The following TOGARAM2 variants were observed in gnomAD, a reference collection of about 807,000 sequenced individuals.
TOGARAM2 encodes the protein TOG array regulator of axonemal microtubules 2, also known as TOG array regulator of axonemal microtubules protein 2.
In TOGARAM2, 85 loss-of-function variants were observed where a neutral mutation model predicts 93.3. That is an observed-to-expected ratio of 0.91 (90% CI 0.76 to 1.09). TOGARAM2 has a LOEUF of 1.09. Ranked by LOEUF, TOGARAM2 falls within the 50% of genes least tolerant of loss-of-function variation. The pLI is 0.00. For synonymous variants in TOGARAM2, 593 were observed against 552.8 expected (o/e 1.07, Z -1.02); for missense variants, 1,277 against 1,334.5 (o/e 0.96, Z 0.67).
chr2:28,967,943 C>T (rs545457710), intron 1 of TOGARAM2, among the ~76,000 whole-genome samples: 75 of 151,914 alleles, frequency 4.9e-4, no homozygotes, highest in Middle Eastern at 3.4e-3. Flanking sequence ...CTCAGCCTCC[C>T]GGGTAGCTGG....
chr2:29,041,003 A>G (rs1666400683), intron 18 of TOGARAM2, among the ~76,000 whole-genome samples: 1 of 150,930 alleles, frequency 6.6e-6, no homozygotes, highest in Admixed American at 6.6e-5. Flanking sequence ...AAGCATTTGC[A>G]GATGATTATA....
chr2:28,987,763 C>A (rs867322444), intron 1 of TOGARAM2, among the ~76,000 whole-genome samples: 1 of 152,348 alleles, frequency 6.6e-6, no homozygotes, highest in East Asian at 1.9e-4. Context: ...CCTGATCTCA[C>A]GATGGGAGAG....
At chr2:29,006,689 C>T (rs1357239731) in intron 6 of TOGARAM2, among the ~76,000 whole-genome samples, 3 of 152,102 alleles carry the variant, frequency 2.0e-5, no homozygotes, top group African/African-American at 7.2e-5. Flanking sequence ...TGTCTTTCTC[C>T]GACCCTGTGG....
At chr2:28,980,635 G>A (rs1209866836), upstream of TOGARAM2, among the ~76,000 whole-genome samples, 4 of 152,186 alleles carry the variant, frequency 2.6e-5, no homozygotes, top group African/African-American at 9.7e-5. Context: ...AAGAGCCTGG[G>A]TTCAGTGAGA....
intron 4 of TOGARAM2, 87 bp downstream of exon 4, chr2:28,999,555 TCCAGG>T: frequency 1.2e-5 from 17 of 1,428,352 alleles, no homozygotes; most frequent in Non-Finnish European, 1.6e-5. Flanking sequence ...TCAGCAGGCT[TCCAGG>T]TGGCATGCTG....
At chr2:28,967,290 CAT>C (rs777200816) in intron 1 of TOGARAM2, among the ~76,000 whole-genome samples, 2 of 152,080 alleles carry the variant, frequency 1.3e-5, no homozygotes, top group Non-Finnish European at 2.9e-5. Flanking sequence ...ACCTGGGCAA[CAT>C]AGTGAGACCT....
chr2:29,030,209 C>G (rs528848043), intron 14 of TOGARAM2, among the ~76,000 whole-genome samples: 1 of 152,176 alleles, frequency 6.6e-6, no homozygotes, highest in Non-Finnish European at 1.5e-5. Context: ...CCAGGAGGCA[C>G]TGGTTGCGGT....
intron 18 of TOGARAM2, among the ~76,000 whole-genome samples, chr2:29,039,051 G>A (rs930317096): frequency 1.3e-5 from 2 of 152,144 alleles, no homozygotes; most frequent in Non-Finnish European, 2.9e-5. Context: ...TAAATTTCCC[G>A]CTGTCCCAGG....
At chr2:28,994,885 T>C (rs1366012496) in intron 2 of TOGARAM2, 23 bp downstream of exon 2, 2 of 1,551,582 alleles carry the variant, frequency 1.3e-6, no homozygotes, top group African/African-American at 2.7e-5. Context: ...ATGGGAGGCC[T>C]GCTGCTGGTG....
chr2:28,958,055 A>G (rs1461825401), intron 1 of TOGARAM2, among the ~76,000 whole-genome samples: 1 of 152,188 alleles, frequency 6.6e-6, no homozygotes. Context: ...AGGGATTTAA[A>G]TGATTTTAGG....
At chr2:29,042,948 A>T (rs1050470582) in intron 18 of TOGARAM2, among the ~76,000 whole-genome samples, 2 of 152,202 alleles carry the variant, frequency 1.3e-5, no homozygotes, top group South Asian at 2.1e-4. Context: ...GTCACTCTGG[A>T]TGTTTACCTT....
intron 14 of TOGARAM2, among the ~76,000 whole-genome samples, chr2:29,031,201 C>T (rs1665748749): frequency 6.6e-6 from 1 of 152,192 alleles, no homozygotes. Context: ...CTATGTTGCC[C>T]AGGTTGGAGT....
chr2:28,962,548 G>A (rs1355077556), intron 1 of TOGARAM2, among the ~76,000 whole-genome samples: 2 of 152,156 alleles, frequency 1.3e-5, no homozygotes, highest in Non-Finnish European at 2.9e-5. Flanking sequence ...TGTTGCATGT[G>A]TCTGTAGTTT....
chr2:28,964,285 A>G (rs750457700), intron 1 of TOGARAM2, among the ~76,000 whole-genome samples: 13 of 152,126 alleles, frequency 8.5e-5, no homozygotes, highest in East Asian at 1.9e-4. Context: ...CCCTTTTGAC[A>G]TTATGAAATG....
chr2:28,971,544 G>C (rs184292221), intron 1 of TOGARAM2, among the ~76,000 whole-genome samples: 153 of 152,272 alleles, frequency 1.0e-3, no homozygotes, highest in Admixed American at 8.5e-3. Flanking sequence ...AAGGATTGGT[G>C]GGGGTGTGGG....
chr2:28,986,820 GC>G lies in TOGARAM2; in HGVS notation c.-111+5285del, dbSNP rs1408710837. Among the ~76,000 whole-genome samples, 8 of 152,318 alleles carry G rather than the reference GC, an allele frequency of 5.3e-5. No homozygotes were observed. The East Asian group carries it at 1.2e-3, about 22-fold the overall frequency. ...ACTATTAATAGCCACTGTGGATCGAGCCCTTGGGCCCAATCAGCCTATTAAA... is the reference window on the plus strand; with the variant it reads ...ACTATTAATAGCCACTGTGGATCGAGCCTTGGGCCCAATCAGCCTATTAAA... On this transcript the variant is annotated intron_variant, in intron 1 of 19. Transcript: ENST00000379558.
At chr2:29,016,160 G>A (rs937397566) in intron 8 of TOGARAM2, among the ~76,000 whole-genome samples, 2 of 152,108 alleles carry the variant, frequency 1.3e-5, no homozygotes, top group East Asian at 1.9e-4. Flanking sequence ...AGTGGCTCAG[G>A]TCAACCACCT....
At chr2:28,986,293 G>A (rs1377212542) in intron 1 of TOGARAM2, among the ~76,000 whole-genome samples, 3 of 152,008 alleles carry the variant, frequency 2.0e-5, no homozygotes, top group Non-Finnish European at 4.4e-5. Flanking sequence ...CTTTTAGACT[G>A]TTAATTCTCA....
intron 10 of TOGARAM2, chr2:29,018,653 C>T (rs961093282): frequency 6.6e-6 from 1 of 152,174 alleles, no homozygotes; most frequent in African/African-American, 2.4e-5. Flanking sequence ...CAGCTCATCT[C>T]CCTTTTCAAT....
Sources: allele counts gnomAD v4.1 joint callset (sites outside exome capture counted in the v4.1 genomes callset), GRCh38; gene constraint gnomAD v4.1.1; transcripts MANE v1.5; gene names NCBI Gene and HGNC (gene_info 2026-07-23, HGNC 2026-07-21).